PDE1C: variants seen among roughly 807,000 people sequenced by gnomAD.
PDE1C encodes dual specificity calcium/calmodulin-dependent 3',5'-cyclic nucleotide phosphodiesterase 1C.
PDE1C carries 62 observed loss-of-function variants against 93.1 expected under a neutral mutation model. That is an observed-to-expected ratio of 0.67 (90% CI 0.54 to 0.82). PDE1C has a LOEUF of 0.82. Among genes scored for constraint, PDE1C ranks in the 40% least tolerant of loss-of-function variants. PDE1C has a pLI of 0.00. For synonymous variants in PDE1C, 325 were observed against 310.1 expected (o/e 1.05, Z -0.50); for missense variants, 742 against 884.6 (o/e 0.84, Z 2.04).
At chr7:31,755,205 G>T (rs1024881631) in intron 17 of PDE1C, among the ~76,000 whole-genome samples, 1 of 152,150 alleles carries the variant, frequency 6.6e-6, no homozygotes, top group African/African-American at 2.4e-5. Context: ...GTTGGAGGAG[G>T]TTAGAATGGT....
At chr7:31,906,026 C>A (rs912668011) in intron 2 of PDE1C, among the ~76,000 whole-genome samples, 1 of 152,168 alleles carries the variant, frequency 6.6e-6, no homozygotes, top group Admixed American at 6.5e-5. Context: ...GGGGCTTCCC[C>A]AGCCATGCTG....
At chr7:31,932,128 A>G (rs1464576360) in intron 2 of PDE1C, among the ~76,000 whole-genome samples, 1 of 152,224 alleles carries the variant, frequency 6.6e-6, no homozygotes, top group African/African-American at 2.4e-5. Flanking sequence ...AAGAAAACCT[A>G]GGCAATACCA....
intron 1 of PDE1C, among the ~76,000 whole-genome samples, chr7:32,307,929 G>A (rs187372794): frequency 4.9e-4 from 75 of 152,344 alleles, no homozygotes; most frequent in Admixed American, 1.8e-3. Flanking sequence ...GCAGGGCGAG[G>A]CATTGTCTCA....
chr7:31,711,905 C>T, the PDE1C span, among the ~76,000 whole-genome samples: 1 of 152,174 alleles, frequency 6.6e-6, no homozygotes, highest in Admixed American at 6.5e-5. Flanking sequence ...ATTCCAGTGA[C>T]ACTGGCCTCT....
intron 1 of PDE1C, among the ~76,000 whole-genome samples, chr7:32,242,525 T>C (rs920013753): frequency 2.0e-5 from 3 of 152,192 alleles, no homozygotes; most frequent in Non-Finnish European, 4.4e-5. Context: ...GAGGATTGTC[T>C]CTTTGGTAAA....
chr7:31,747,147 C>T (rs1794023976), downstream of PDE1C, among the ~76,000 whole-genome samples: 1 of 152,148 alleles, frequency 6.6e-6, no homozygotes, highest in African/African-American at 2.4e-5. Flanking sequence ...ATATGAAAAA[C>T]TTGTGATGCC....
chr7:31,662,281 A>G, the PDE1C span, among the ~76,000 whole-genome samples: 1 of 152,246 alleles, frequency 6.6e-6, no homozygotes, highest in South Asian at 2.1e-4. Flanking sequence ...AGTAAAGATT[A>G]TTCTAAAGTG....
At chr7:31,726,256 G>C in the PDE1C span, among the ~76,000 whole-genome samples, 1 of 151,872 alleles carries the variant, frequency 6.6e-6, no homozygotes, top group Non-Finnish European at 1.5e-5. Flanking sequence ...TGTAGAGATG[G>C]GGTCTTGGTA....
intron 3 of PDE1C, chr7:32,169,652 C>T (rs1224153422): frequency 6.6e-6 from 5 of 762,412 alleles, no homozygotes; most frequent in South Asian, 3.1e-5. Context: ...TCCAACCCTC[C>T]TTCATCAATT....
At chr7:31,765,855 G>A (rs993513956) in intron 17 of PDE1C, among the ~76,000 whole-genome samples, 2 of 152,142 alleles carry the variant, frequency 1.3e-5, no homozygotes, top group Admixed American at 6.5e-5. Context: ...GTTACAGTGA[G>A]GACTATTTAG....
At chr7:32,073,241 T>G (rs1470367164), upstream of PDE1C, among the ~76,000 whole-genome samples, 1 of 152,168 alleles carries the variant, frequency 6.6e-6, no homozygotes, top group African/African-American at 2.4e-5. Context: ...TTTTTTAAGT[T>G]TTTGAAGCTA....
chr7:32,205,862 GT>G lies in PDE1C; in HGVS notation c.136+3626del, dbSNP rs370750542. ...CTTCACCCCTGGAGTCATTAAGATC[GT>G]GAACCCATCAGAATGAAGAAACTCC... On this transcript the variant is annotated intron_variant, in intron 2 of 18. Transcript: ENST00000396193. Among the ~76,000 whole-genome samples the G allele has an allele frequency of 6.6e-4, 100 of 152,188 alleles. 2 individuals are homozygous for G. The East Asian group carries it at 0.018, about 27-fold the overall frequency.
chr7:32,069,050 C>T (rs1204041144), intron 1 of PDE1C, among the ~76,000 whole-genome samples: 2 of 152,188 alleles, frequency 1.3e-5, no homozygotes, highest in Admixed American at 6.5e-5. Flanking sequence ...TCTCCACTAG[C>T]GGTGGCTAGA....
At chr7:31,842,740 C>A (rs1011701110) in intron 9 of PDE1C, among the ~76,000 whole-genome samples, 1 of 151,530 alleles carries the variant, frequency 6.6e-6, no homozygotes, top group Non-Finnish European at 1.5e-5. Flanking sequence ...TTTATTTTTT[C>A]TATTTTATTG....
chr7:31,795,554 A>C (rs2128673736), intron 16 of PDE1C, among the ~76,000 whole-genome samples: 1 of 152,012 alleles, frequency 6.6e-6, no homozygotes, highest in South Asian at 2.1e-4. Flanking sequence ...GAGTGAAACA[A>C]TGAAAGCTTA....
At chr7:32,093,993 A>G (rs1047755938) in intron 3 of PDE1C, among the ~76,000 whole-genome samples, 5 of 152,344 alleles carry the variant, frequency 3.3e-5, no homozygotes, top group Non-Finnish European at 7.4e-5. Context: ...CTGACCCAGG[A>G]ATAGATGGTA....
At chr7:32,149,127 C>CAG (rs1222618664) in intron 3 of PDE1C, among the ~76,000 whole-genome samples, 1 of 152,098 alleles carries the variant, frequency 6.6e-6, no homozygotes, top group Non-Finnish European at 1.5e-5. Flanking sequence ...TTAAACACTG[C>CAG]AGAGTACCCA....
chr7:31,967,191 A>T (rs7795633), intron 2 of PDE1C, among the ~76,000 whole-genome samples: 58,861 of 151,972 alleles, frequency 0.39, 11,877 homozygotes, highest in Middle Eastern at 0.49. Context: ...TGAAACGATC[A>T]ACAAAATTGA....
At chr7:32,087,855 G>A (rs1474908847) in intron 3 of PDE1C, among the ~76,000 whole-genome samples, 1 of 151,142 alleles carries the variant, frequency 6.6e-6, no homozygotes, top group Non-Finnish European at 1.5e-5. Flanking sequence ...CTGTTGTGGG[G>A]TGGTGGGAGG....
Sources: gnomAD v4.1 joint callset for allele counts (sites outside exome capture counted in the v4.1 genomes callset) on GRCh38, gnomAD v4.1.1 for gene constraint, MANE v1.5 for transcripts, NCBI Gene and HGNC (gene_info 2026-07-23, HGNC 2026-07-21) for gene names.